FARP1: variants seen among roughly 807,000 people sequenced by gnomAD.
The protein encoded by FARP1 is FERM, ARHGEF and pleckstrin domain-containing protein 1.
FARP1 carries 52 observed loss-of-function variants against 128.8 expected under a neutral mutation model. The observed-to-expected ratio is 0.40, with a 90% confidence interval of 0.32 to 0.51. The LOEUF is 0.51. Ranked by LOEUF, FARP1 falls within the 20% of genes least tolerant of loss-of-function variation. FARP1 has a pLI of 0.45. For missense variants in FARP1, 1,333 were observed against 1,367.9 expected (o/e 0.97, Z 0.40); for synonymous variants, 580 against 551.8 (o/e 1.05, Z -0.72).
At chr13:98,179,080 T>C (rs1003229314) in intron 1 of FARP1, among the ~76,000 whole-genome samples, 3 of 152,208 alleles carry the variant, frequency 2.0e-5, no homozygotes, top group Non-Finnish European at 2.9e-5. Context: ...GTTTTCACGC[T>C]GCTGATAAAG....
intron 1 of FARP1, among the ~76,000 whole-genome samples, chr13:98,196,047 T>C (rs1436648255): frequency 6.6e-6 from 1 of 152,114 alleles, no homozygotes; most frequent in African/African-American, 2.4e-5. Context: ...AGTAGACCTC[T>C]TTATAGGTCT....
chr13:98,344,592 T>G (rs1406443328), intron 3 of FARP1, among the ~76,000 whole-genome samples: 4 of 152,128 alleles, frequency 2.6e-5, no homozygotes, highest in African/African-American at 9.7e-5. Context: ...GAAATTTGGA[T>G]TCAAGAATCT....
At chr13:98,168,112 C>T (rs1743722703) in intron 1 of FARP1, among the ~76,000 whole-genome samples, 1 of 150,976 alleles carries the variant, frequency 6.6e-6, no homozygotes, top group South Asian at 2.1e-4. Flanking sequence ...GTGGAGCTTG[C>T]AGTGAGCCAA....
chr13:98,251,923 A>G (rs1339177076), intron 2 of FARP1, among the ~76,000 whole-genome samples: 4 of 152,146 alleles, frequency 2.6e-5, no homozygotes, highest in Non-Finnish European at 5.9e-5. Context: ...TCTTGGCTCA[A>G]TGCAGTCTCC....
At chr13:98,408,449 C>T (rs1240264600) in intron 13 of FARP1, among the ~76,000 whole-genome samples, 1 of 150,944 alleles carries the variant, frequency 6.6e-6, no homozygotes, top group African/African-American at 2.4e-5. Flanking sequence ...GCCTCAGCCT[C>T]CCAAGTAGCT....
At chr13:98,164,429 G>T (rs1441339068) in intron 1 of FARP1, among the ~76,000 whole-genome samples, 2 of 152,130 alleles carry the variant, frequency 1.3e-5, no homozygotes, top group Non-Finnish European at 2.9e-5. Flanking sequence ...AGAGAGTCTG[G>T]GTTGCTCTTG....
At chr13:98,262,861 T>C (rs1482935448) in intron 2 of FARP1, among the ~76,000 whole-genome samples, 1 of 152,150 alleles carries the variant, frequency 6.6e-6, no homozygotes, top group East Asian at 1.9e-4. Context: ...GGGCCTGTTT[T>C]GGAGAAGCTA....
intron 1 of FARP1, among the ~76,000 whole-genome samples, chr13:98,205,882 C>T (rs111642427): frequency 5.3e-5 from 8 of 152,264 alleles, no homozygotes; most frequent in African/African-American, 1.7e-4. Flanking sequence ...TAATGTCTTC[C>T]CATAGCTTCC....
At chr13:98,405,774 A>C (rs1198516745) in intron 13 of FARP1, 1 of 152,190 alleles carries the variant, frequency 6.6e-6, no homozygotes, top group East Asian at 1.9e-4. Flanking sequence ...CGAGTTCCCT[A>C]ATGAAATTAC....
chr13:98,144,447 C>T (rs1483771782), intron 1 of FARP1, among the ~76,000 whole-genome samples: 1 of 152,192 alleles, frequency 6.6e-6, no homozygotes, highest in African/African-American at 2.4e-5. Context: ...CTCCCTGTCT[C>T]TCCCAGCCCT....
At chr13:98,223,998 A>G (rs956081361) in intron 2 of FARP1, among the ~76,000 whole-genome samples, 5 of 152,230 alleles carry the variant, frequency 3.3e-5, no homozygotes, top group Admixed American at 2.6e-4. Context: ...ATTGGCTATT[A>G]TCCCATCTTC....
chr13:98,252,357 G>A (rs1250786828), intron 2 of FARP1, among the ~76,000 whole-genome samples: 2 of 152,144 alleles, frequency 1.3e-5, no homozygotes, highest in Non-Finnish European at 2.9e-5. Context: ...AGACTTCAGC[G>A]TGGCTCTTGT....
chr13:98,192,432 C>T (rs1288782945), intron 1 of FARP1, among the ~76,000 whole-genome samples: 1 of 152,066 alleles, frequency 6.6e-6, no homozygotes, highest in African/African-American at 2.4e-5. Context: ...CTCTGTCTCC[C>T]AGACTGGAGT....
chr13:98,152,494 A>G (rs528862504), intron 1 of FARP1, among the ~76,000 whole-genome samples: 3 of 152,330 alleles, frequency 2.0e-5, no homozygotes, highest in African/African-American at 7.2e-5. Context: ...GAAGCAGGCA[A>G]GAGGGTGACA....
chr13:98,308,564 T>A (rs1886298424), intron 2 of FARP1, among the ~76,000 whole-genome samples: 1 of 152,240 alleles, frequency 6.6e-6, no homozygotes, highest in African/African-American at 2.4e-5. Flanking sequence ...TAGAGTGTGC[T>A]GGATTTGCCT....
chr13:98,260,021 T>G (rs1166374524), intron 2 of FARP1, among the ~76,000 whole-genome samples: 14 of 152,062 alleles, frequency 9.2e-5, no homozygotes, highest in Admixed American at 9.2e-4. Context: ...TTTCCTTATT[T>G]AACCCACTGG....
intron 2 of FARP1, among the ~76,000 whole-genome samples, chr13:98,258,493 T>C (rs192160195): frequency 6.6e-6 from 1 of 152,306 alleles, no homozygotes; most frequent in African/African-American, 2.4e-5. Context: ...TGAATAGGTA[T>C]TGTTTAATTT....
intron 2 of FARP1, among the ~76,000 whole-genome samples, chr13:98,262,934 A>G (rs925724842): frequency 7.2e-5 from 11 of 152,110 alleles, no homozygotes; most frequent in African/African-American, 2.7e-4. Context: ...TTAGCACGTC[A>G]TTTTACTAAG....
At chr13:98,383,934 A>T (rs911636618) in intron 6 of FARP1, 1 of 152,252 alleles carries the variant, frequency 6.6e-6, no homozygotes, top group Admixed American at 6.5e-5. Context: ...GCATTAGATT[A>T]TCTACCTTTG....
Sources: gnomAD v4.1 joint callset for allele counts (sites outside exome capture counted in the v4.1 genomes callset) on GRCh38, gnomAD v4.1.1 for gene constraint, MANE v1.5 for transcripts, NCBI Gene and HGNC (gene_info 2026-07-23, HGNC 2026-07-21) for gene names.